Variants in COL4A6 observed in about 807,000 individuals in gnomAD.
The protein encoded by COL4A6 is collagen type IV alpha 6 chain, also known as collagen alpha-6(IV) chain.
Under a neutral mutation model 126.7 loss-of-function variants are expected in COL4A6, and 59 were observed. That is an observed-to-expected ratio of 0.47 (90% CI 0.38 to 0.58). COL4A6 has a LOEUF of 0.58. COL4A6 is among the 20% of genes least tolerant of loss of function. The probability of loss-of-function intolerance (pLI) is 0.00; values close to 1 mark genes in which losing one functional copy is unlikely to be tolerated. For missense variants in COL4A6, 1,285 were observed against 1,337.3 expected (o/e 0.96, Z 0.61); for synonymous variants, 547 against 496.6 (o/e 1.10, Z -1.35).
At chrX:108,268,988 T>TCTGTCTTC (rs2037381375) in intron 3 of COL4A6, 4 of 293,421 alleles carry the variant, frequency 1.4e-5, no homozygotes, top group Admixed American at 7.8e-5. Context: ...CTGCAAGTAA[T>TCTGTCTTC]CTGTCTTCCA....
chrX:108,396,836 C>T (rs2040975675), intron 2 of COL4A6, among the ~76,000 whole-genome samples: 2 of 111,705 alleles, frequency 1.8e-5, no homozygotes, highest in South Asian at 7.5e-4. Flanking sequence ...ATTTCTATGT[C>T]TCTTTCAAGG....
At chrX:108,167,811 C>G (rs2034178706) in intron 37 of COL4A6, among the ~76,000 whole-genome samples, 1 of 111,881 alleles carries the variant, frequency 8.9e-6, no homozygotes, top group Non-Finnish European at 1.9e-5. Flanking sequence ...TTATAATATG[C>G]AAAGAATAAT....
chrX:108,237,079 C>G (rs1380468782), intron 3 of COL4A6, among the ~76,000 whole-genome samples: 2 of 111,486 alleles, frequency 1.8e-5, no homozygotes, highest in African/African-American at 6.5e-5. Context: ...CCATGCCACT[C>G]TTATTAGACC....
chrX:108,171,707 A>C (rs2034311539), intron 32 of COL4A6, among the ~76,000 whole-genome samples: 1 of 112,399 alleles, frequency 8.9e-6, no homozygotes. Context: ...CACTAGGCTC[A>C]GTATGGGCAG....
In COL4A6 at chrX:108,165,398, G is replaced by A. The variant is rs780112870; in HGVS notation, c.3780C>T (p.Pro1260=). The A allele has an allele frequency of 1.1e-5, 13 of 1,206,898 alleles. No homozygotes were observed. Among genetic ancestry groups the A allele is most frequent in the East Asian group, 3.0e-5 (1 of 33,720 alleles). The stretch of plus-strand genomic sequence containing the variant: ...GTTCTCCATCTAGGCCTGGTCGCCC[G>A]GGGTCACCAGGCTGTCCTGCTATGA... The part of the protein sequence containing the change: ...PSLIAGQPGD[P]GRPGLDGERG... Residue 1260 remains proline (P), a synonymous_variant, in exon 38 of 45, where the codon CCC becomes CCT. Transcript: ENST00000334504.
At chrX:108,226,392 G>A (rs1269127834) in intron 3 of COL4A6, among the ~76,000 whole-genome samples, 3 of 111,428 alleles carry the variant, frequency 2.7e-5, no homozygotes, top group Non-Finnish European at 5.6e-5. Context: ...GAATAGATGA[G>A]CATGTATGCC....
At chrX:108,353,245 C>T (rs778109294) in intron 2 of COL4A6, among the ~76,000 whole-genome samples, 4 of 111,948 alleles carry the variant, frequency 3.6e-5, no homozygotes, top group African/African-American at 1.3e-4. Context: ...TTCTCTTTCC[C>T]TGATTATTGC....
At chrX:108,396,032 G>A (rs746763391) in intron 2 of COL4A6, among the ~76,000 whole-genome samples, 1 of 109,611 alleles carries the variant, frequency 9.1e-6, no homozygotes, top group South Asian at 3.9e-4. Context: ...CCTTTTTCAC[G>A]GTACCCTCCC....
chrX:108,235,187 G>A (rs1260064657), intron 3 of COL4A6, among the ~76,000 whole-genome samples: 1 of 111,303 alleles, frequency 9.0e-6, no homozygotes, highest in Admixed American at 9.5e-5. Flanking sequence ...GTGAGGGAGA[G>A]GGATAAGTCC....
chrX:108,410,973 T>C (rs2148239372), intron 2 of COL4A6, among the ~76,000 whole-genome samples: 1 of 112,660 alleles, frequency 8.9e-6, no homozygotes, highest in South Asian at 3.7e-4. Context: ...AAGCTTTTAA[T>C]AACTGTTATC....
chrX:108,178,265 G>A (rs549576912), intron 27 of COL4A6, among the ~76,000 whole-genome samples: 1 of 112,440 alleles, frequency 8.9e-6, no homozygotes, highest in Middle Eastern at 4.6e-3. Flanking sequence ...AGGCATGCTC[G>A]CCTGAGAGGC....
intron 3 of COL4A6, among the ~76,000 whole-genome samples, chrX:108,288,759 T>G (rs189130226): frequency 7.3e-4 from 81 of 111,434 alleles, no homozygotes; most frequent in African/African-American, 2.3e-3. Flanking sequence ...GAACTGAATA[T>G]TCACACAAAT....
At chrX:108,177,761 G>A (rs902605701) in intron 27 of COL4A6, among the ~76,000 whole-genome samples, 4 of 111,983 alleles carry the variant, frequency 3.6e-5, no homozygotes, top group African/African-American at 9.8e-5. Context: ...CAAATGAATG[G>A]CTGACTTGGC....
chrX:108,277,015 T>C (rs1176047770), intron 3 of COL4A6, among the ~76,000 whole-genome samples: 1 of 112,139 alleles, frequency 8.9e-6, no homozygotes, highest in Admixed American at 9.4e-5. Context: ...TTGAAAGGTA[T>C]AGAGGCGAAG....
intron 2 of COL4A6, among the ~76,000 whole-genome samples, chrX:108,349,911 G>A (rs1311402284): frequency 9.0e-6 from 1 of 111,613 alleles, no homozygotes; most frequent in Non-Finnish European, 1.9e-5. Context: ...ACACTCCCTA[G>A]GTGAGCCACA....
chrX:108,359,044 C>T (rs1279803642), intron 2 of COL4A6, among the ~76,000 whole-genome samples: 1 of 111,981 alleles, frequency 8.9e-6, no homozygotes, highest in Non-Finnish European at 1.9e-5. Context: ...AATTCCAAAC[C>T]ATTCTGAAAG....
intron 2 of COL4A6, among the ~76,000 whole-genome samples, chrX:108,407,952 T>C (rs2041238383): frequency 9.0e-6 from 1 of 111,094 alleles, no homozygotes; most frequent in African/African-American, 3.3e-5. Context: ...TACTTAACCC[T>C]CAAACCCCCC....
At chrX:108,166,380 G>C (rs772343332) in intron 37 of COL4A6, among the ~76,000 whole-genome samples, 1 of 112,168 alleles carries the variant, frequency 8.9e-6, no homozygotes, top group South Asian at 3.7e-4. Context: ...TATTACTTTG[G>C]GATATTCTAG....
intron 2 of COL4A6, among the ~76,000 whole-genome samples, chrX:108,319,890 G>A (rs1411741187): frequency 8.9e-6 from 1 of 111,987 alleles, no homozygotes; most frequent in Non-Finnish European, 1.9e-5. Context: ...GTTGACACAG[G>A]AGAGAGATGG....
Sources: gnomAD v4.1 joint callset for allele counts (sites outside exome capture counted in the v4.1 genomes callset) on GRCh38, gnomAD v4.1.1 for gene constraint, MANE v1.5 for transcripts, NCBI Gene and HGNC (gene_info 2026-07-23, HGNC 2026-07-21) for gene names.